DNAAF3: variants seen among roughly 807,000 people sequenced by gnomAD.
The protein encoded by DNAAF3 is UPF0470 protein C19orf51.
A neutral mutation model predicts 50.9 loss-of-function variants in DNAAF3; 40 were observed. The ratio of observed to expected loss-of-function variants is 0.79; its 90% CI spans 0.61 to 1.02. DNAAF3 has a LOEUF of 1.02. Among genes scored for constraint, DNAAF3 ranks in the 50% least tolerant of loss-of-function variants. The pLI, the probability that DNAAF3 is intolerant of heterozygous loss-of-function variation, is 0.00. For synonymous variants in DNAAF3, 327 were observed against 322.8 expected, an observed-to-expected ratio of 1.01 and a Z score of -0.14; for missense variants, 763 against 744.7, an observed-to-expected ratio of 1.02 and a Z score of -0.29.
Position 55,165,975 on chromosome 19 carries a change from C to G in DNAAF3, c.111G>C (p.Gln37His). 1 of 1,614,200 alleles carries G rather than the reference C, an allele frequency of 6.2e-7. No homozygotes were observed. The highest frequency in any genetic ancestry group is 8.5e-7 in the Non-Finnish European group (1 of 1,180,038). ...CGGGGTTGCTGTGCACTGTATCGGC[C>G]TGGGAGTCTGGGTCCACAGGAGGAC... is the stretch of plus-strand genomic sequence containing the variant. Reference protein sequence around the residue: ...AESPPVDPDSQADTVHSNPEL... With the variant: ...AESPPVDPDSHADTVHSNPEL... Residue 37 changes from glutamine (Q) to histidine (H), a missense_variant, in exon 3 of 12, where the codon CAG (glutamine) becomes CAC (histidine). By Grantham distance (24) the Gln-to-His change is conservative. Coordinates refer to ENST00000524407, the MANE Select transcript of DNAAF3 (RefSeq NM_001256715.2).
At chr19:55,165,752 T>C in intron 3 of DNAAF3, 106 bp downstream of exon 3, 2 of 1,524,718 alleles carry the variant, frequency 1.3e-6, no homozygotes, top group East Asian at 2.5e-5. Flanking sequence ...CCCTCAGATC[T>C]AGGAGTCTCC....
chr19:55,160,708 G>T lies in DNAAF3; in HGVS notation c.980C>A (p.Ala327Glu). The change falls in exon 9 of 12, where the codon GCG becomes GAG. Residue 327 changes from alanine (A) to glutamate (E), a missense_variant. Coordinates refer to ENST00000524407, the MANE Select transcript of DNAAF3 (RefSeq NM_001256715.2). This position sits in a 1 kb window ranked among gnomAD's most constrained non-coding sequence, Gnocchi z 4.7. ...LLRDVAAWGRARATGGDLEEQ... is the reference protein window; with the variant it reads ...LLRDVAAWGRERATGGDLEEQ... ...CTCCAGGTCCCCCCCGGTGGCTCTC[G>T]CGCGCCCCCAGGCGGCCACGTCGCG... is the stretch of plus-strand genomic sequence containing the variant. 6.2e-7 allele frequency: 1 copy of T among 1,613,408 alleles called. No individual in the cohort carries two copies.
In DNAAF3 at chr19:55,162,094, G is replaced by A. The variant is rs372753112; in HGVS notation, c.480+39C>T. ...TGGACTGTGCGCTTCCATTATTCCC[G>A]CGGCCACCCGATCCCAGATGGAGGC... is the stretch of plus-strand genomic sequence containing the variant. On this transcript the variant is annotated intron_variant, in intron 5 of 11. Transcript: ENST00000524407. The A allele has an allele frequency of 3.7e-4, 453 of 1,239,996 alleles. 3 individuals carry two copies. The African/African-American group carries it at 6.6e-3, about 18-fold the overall frequency. 76.8% of individuals were successfully genotyped at this position (1,239,996 alleles called of 1,614,324 possible). A position where few individuals can be genotyped will look rare whatever the true frequency, so the allele number is the denominator to read the frequency against.
In DNAAF3 at chr19:55,160,596, G is replaced by A. The variant is rs748876311; in HGVS notation, c.1048+44C>T. 1.2e-6 allele frequency: 2 copies of A among 1,613,382 alleles called. No homozygotes were observed. Among genetic ancestry groups the A allele is most frequent in the East Asian group, 4.5e-5 (2 of 44,858 alleles). ...GTCCACACTCCAGTGTGAAACACCT[G>A]GAGGCTGGAGTCCCTGGCTTACCTG... is the stretch of plus-strand genomic sequence containing the variant. On this transcript the variant is annotated intron_variant, in intron 9 of 11. Transcript: ENST00000524407. This position sits in a 1 kb window ranked among gnomAD's most constrained non-coding sequence, Gnocchi z 4.7.
At chr19:55,159,787 ACCCCTGGGTCTAAGCAAGGAGGGGCTG>A in intron 10 of DNAAF3, 85 bp downstream of exon 10, 1 of 943,982 alleles carries the variant, frequency 1.1e-6, no homozygotes, top group Non-Finnish European at 1.3e-6. Context: ...GGGGGCCTGG[ACCCCTGGGTCTAAGCAAGGAGGGGCTG>A]GGGGCCTGGA....
chr19:55,161,902 C>T lies in DNAAF3; in HGVS notation c.481-77G>A, dbSNP rs1410842431. 7.3e-7 allele frequency: 1 copy of T among 1,364,484 alleles called. No individual in the cohort carries two copies. Among genetic ancestry groups the T allele is most frequent in the East Asian group, 3.0e-5 (1 of 32,906 alleles). The allele number at this position is 1,364,484 out of a possible 1,614,324, so 84.5% of individuals were successfully genotyped here. On this transcript the variant is annotated intron_variant, in intron 5 of 11. Coordinates refer to ENST00000524407, the MANE Select transcript of DNAAF3 (RefSeq NM_001256715.2). The surrounding 1 kb of genome is among the most constrained non-coding windows in gnomAD (Gnocchi z 6.4). ...GAGAGCGGATTCTAATTGACCCTCT[C>T]TTCCATCCCAGAACAGGGGAACGAT... is the stretch of plus-strand genomic sequence containing the variant.
rs553908298 is a variant in DNAAF3 at position 55,162,670 on chromosome 19, G to A, written c.323-380C>T. 7.0e-6 allele frequency: 7 copies of A among 994,060 alleles called. No homozygotes were observed. The South Asian group carries it at 2.3e-4, about 33-fold the overall frequency. 61.6% of individuals were successfully genotyped at this position (994,060 alleles called of 1,614,324 possible). A position where few individuals can be genotyped will look rare whatever the true frequency, so the allele number is the denominator to read the frequency against. Reference sequence around the variant, plus strand: ...CACCGCAGACAGAGAATATTTGGGGGAAAAGATAACAACACAACAGTAAAA... The same window carrying A: ...CACCGCAGACAGAGAATATTTGGGGAAAAAGATAACAACACAACAGTAAAA... On this transcript the variant is annotated intron_variant, in intron 4 of 11. Coordinates refer to ENST00000524407, the MANE Select transcript of DNAAF3 (RefSeq NM_001256715.2).
At chr19:55,162,980 CTT>C (rs1368067273) in intron 4 of DNAAF3, among the ~76,000 whole-genome samples, 6 of 108,130 alleles carry the variant, frequency 5.5e-5, no homozygotes, top group African/African-American at 1.8e-4. Flanking sequence ...TGTTTTATTT[CTT>C]TTTCTTTTCT....
Position 55,166,092 on chromosome 19 carries a change from A to G in DNAAF3, c.86-92T>C, listed in dbSNP as rs1192886244. ...TAAAAAATGGACTACAAATCCCAGTAGGCGTTCCGCCCGTGGCCTAGGTTC... is the reference window on the plus strand; with the variant it reads ...TAAAAAATGGACTACAAATCCCAGTGGGCGTTCCGCCCGTGGCCTAGGTTC... On this transcript the variant is annotated intron_variant, in intron 2 of 11. Transcript: ENST00000524407. The surrounding 1 kb of genome is among the most constrained non-coding windows in gnomAD (Gnocchi z 4.0). 6.2e-7 allele frequency: 1 copy of G among 1,603,364 alleles called. No homozygotes were observed. Among genetic ancestry groups the G allele is most frequent in the African/African-American group, 1.3e-5 (1 of 74,886 alleles).
Position 55,160,023 on chromosome 19 carries a change from G to T in DNAAF3, c.1049-10C>A. ...TCCGGGGTCGGGGCTGCTGGGGGAA[G>T]GGGATAGAGGGGTCACCTCTGACAG... On this transcript the variant is annotated splice_polypyrimidine_tract_variant and intron_variant, in intron 9 of 11. Transcript: ENST00000524407. This position sits in a 1 kb window ranked among gnomAD's most constrained non-coding sequence, Gnocchi z 4.7. 6.5e-7 allele frequency: 1 copy of T among 1,534,468 alleles called. No individual in the cohort carries two copies. The highest frequency in any genetic ancestry group is 9.0e-7 in the Non-Finnish European group (1 of 1,109,534).
At chr19:55,165,707 C>T in intron 3 of DNAAF3, 151 bp downstream of exon 3, 1 of 1,367,310 alleles carries the variant, frequency 7.3e-7, no homozygotes, top group Non-Finnish European at 9.9e-7. Context: ...CCTTCCTTCC[C>T]CCAAGACGCA....
rs2085832023 is a variant in DNAAF3, at chr19:55,161,533, C to T, written c.663+110G>A. On this transcript the variant is annotated intron_variant, in intron 6 of 11. Coordinates refer to ENST00000524407, the MANE Select transcript of DNAAF3 (RefSeq NM_001256715.2). The surrounding 1 kb of genome is among the most constrained non-coding windows in gnomAD (Gnocchi z 6.4). The stretch of plus-strand genomic sequence containing the variant: ...GTCCCCAGGCCCTCCTCCCTCAGAC[C>T]CAGGAGTTCAGGCCCCCAAACCCTC... The T allele has an allele frequency of 6.7e-7, 1 of 1,483,546 alleles. No individual in the cohort carries two copies. The allele number at this position is 1,483,546 out of a possible 1,614,324, so 91.9% of individuals were successfully genotyped here.
chr19:55,159,651 C>T (rs769893840), intron 10 of DNAAF3, 44 bp from the exon 11 acceptor site: 20 of 1,610,918 alleles, frequency 1.2e-5, no homozygotes, highest in African/African-American at 4.0e-5. Context: ...GCTCCAAATC[C>T]GGAGGGAGGA....
chr19:55,161,791 C>A lies in DNAAF3; in HGVS notation c.515G>T (p.Arg172Leu), dbSNP rs768179872. Residue 172 changes from arginine (R) to leucine (L), a missense_variant, in exon 6 of 12, where the codon CGC becomes CTC. Physicochemically the swap from Arg to Leu is moderately radical, Grantham distance 102 (BLOSUM62 -2). Coordinates refer to ENST00000524407, the MANE Select transcript of DNAAF3 (RefSeq NM_001256715.2). The surrounding 1 kb of genome is among the most constrained non-coding windows in gnomAD (Gnocchi z 6.4). ...CCCTTTCTCGCCGCCAGCCCAGAAGCGGAATACGGCCTCCAGGGCATCCCG... is the reference window on the plus strand; with the variant it reads ...CCCTTTCTCGCCGCCAGCCCAGAAGAGGAATACGGCCTCCAGGGCATCCCG... ...RERDALEAVF[R>L]FWAGGEKGPQ... The A allele has an allele frequency of 1.9e-5, 28 of 1,485,354 alleles. No individual in the cohort carries two copies. The highest frequency in any genetic ancestry group is 2.5e-5 in the Non-Finnish European group (28 of 1,119,044). 92.0% of individuals were successfully genotyped at this position (1,485,354 alleles called of 1,614,324 possible).
chr19:55,166,166 C>T lies in DNAAF3; in HGVS notation c.85+163G>A. On this transcript the variant is annotated intron_variant, in intron 2 of 11. Coordinates refer to ENST00000524407, the MANE Select transcript of DNAAF3 (RefSeq NM_001256715.2). The surrounding 1 kb of genome is among the most constrained non-coding windows in gnomAD (Gnocchi z 4.0). ...TATTCTGGGATTCGCAGTCCGCAGA[C>T]AGGACCTCGGGGCTGCCCCTGGGAG... 1.3e-6 allele frequency: 2 copies of T among 1,550,824 alleles called. No homozygotes were observed. The highest frequency in any genetic ancestry group is 2.7e-5 in the African/African-American group (2 of 73,224).
At position 55,161,004 on chromosome 19, in the gene DNAAF3, C is replaced by T; in HGVS notation, c.912+61G>A. On this transcript the variant is annotated intron_variant, in intron 8 of 11. Coordinates refer to ENST00000524407, the MANE Select transcript of DNAAF3 (RefSeq NM_001256715.2). The surrounding 1 kb of genome is among the most constrained non-coding windows in gnomAD (Gnocchi z 6.4). ...GGCGGGGCCTGCTGTGGGGGCGGGGCCTTGCGCACCCACCGACCCCCAGCC... is the reference window on the plus strand; with the variant it reads ...GGCGGGGCCTGCTGTGGGGGCGGGGTCTTGCGCACCCACCGACCCCCAGCC... 6.7e-7 allele frequency: 1 copy of T among 1,488,210 alleles called. No homozygotes were observed. The highest frequency in any genetic ancestry group is 8.9e-7 in the Non-Finnish European group (1 of 1,120,820). The allele number at this position is 1,488,210 out of a possible 1,614,324, so 92.2% of individuals were successfully genotyped here.
intron 4 of DNAAF3, 66 bp downstream of exon 4, chr19:55,165,304 T>C (rs945108608): frequency 3.8e-5 from 55 of 1,462,494 alleles, no homozygotes; most frequent in South Asian, 3.3e-4. Flanking sequence ...ACCATTGAAA[T>C]GCCAGAATCC....
rs745465871 is a variant in DNAAF3 at position 55,165,930 on chromosome 19, C to CA, written c.155dup (p.Ser54LeufsTer30). 17 of 1,614,118 alleles carry CA rather than the reference C, an allele frequency of 1.1e-5. No individual in the cohort carries two copies. Among genetic ancestry groups the CA allele is most frequent in the Non-Finnish European group, 1.4e-5 (17 of 1,180,058 alleles). On this transcript the variant is annotated frameshift_variant, in exon 3 of 12. Transcript: ENST00000524407. LOFTEE classifies it high-confidence loss of function. ...GCAGGTGCCGTCCATCCACAGAGCC[C>CA]AGAAGCAGCACATCTAGCTCGGGGT...
At chr19:55,159,763 A>T in intron 10 of DNAAF3, 136 bp downstream of exon 10, 1 of 1,378,078 alleles carries the variant, frequency 7.3e-7, no homozygotes, top group Non-Finnish European at 9.3e-7. Flanking sequence ...CCTGGGTCTG[A>T]GGGAGGAGGG....
Sources: allele counts gnomAD v4.1 joint callset (sites outside exome capture counted in the v4.1 genomes callset), GRCh38; gene constraint gnomAD v4.1.1; non-coding constraint Gnocchi (gnomAD v3.1); transcripts MANE v1.5; gene names NCBI Gene and HGNC (gene_info 2026-07-23, HGNC 2026-07-21).